The following XKR4 variants were observed in gnomAD, a reference collection of about 807,000 sequenced individuals.
XKR4 encodes XK-related protein 4.
A neutral mutation model predicts 53.9 loss-of-function variants in XKR4; 12 were observed. The observed-to-expected ratio is 0.22, with a 90% CI of 0.14 to 0.36. The LOEUF (loss-of-function observed/expected upper bound fraction) is 0.36. Among genes scored for constraint, XKR4 ranks in the 10% least tolerant of loss-of-function variants. The pLI, the probability that XKR4 is intolerant of heterozygous loss-of-function variation, is 1.00. For synonymous variants in XKR4, 354 were observed against 362.4 expected, an observed-to-expected ratio of 0.98 and a Z score of 0.26; for missense variants, 799 against 859.5, an observed-to-expected ratio of 0.93 and a Z score of 0.88.
intron 2 of XKR4, among the ~76,000 whole-genome samples, chr8:55,447,667 AAAG>A (rs1805366726): frequency 6.6e-6 from 1 of 152,220 alleles, no homozygotes; most frequent in African/African-American, 2.4e-5. Context: ...CCTTCACAGA[AAAG>A]AAACCGCTAA....
chr8:55,402,651 G>T (rs1266304083), intron 2 of XKR4, among the ~76,000 whole-genome samples: 1 of 152,192 alleles, frequency 6.6e-6, no homozygotes, highest in Non-Finnish European at 1.5e-5. Flanking sequence ...AATTTTCACT[G>T]TGAAAATATG....
intron 1 of XKR4, among the ~76,000 whole-genome samples, chr8:55,180,501 A>G (rs1449017834): frequency 6.6e-6 from 1 of 152,200 alleles, no homozygotes; most frequent in Non-Finnish European, 1.5e-5. Context: ...ACATTTTTCT[A>G]GCGTCACCAG....
At chr8:55,522,878 C>T (rs767476157) in intron 2 of XKR4, among the ~76,000 whole-genome samples, 1 of 152,202 alleles carries the variant, frequency 6.6e-6, no homozygotes, top group African/African-American at 2.4e-5. Flanking sequence ...TTCATGACTT[C>T]TCCATATGGG....
At chr8:55,195,667 T>C (rs1463934350) in intron 1 of XKR4, among the ~76,000 whole-genome samples, 2 of 152,208 alleles carry the variant, frequency 1.3e-5, no homozygotes, top group African/African-American at 2.4e-5. Flanking sequence ...GAAGTTAAAA[T>C]TGAAAATGAT....
At chr8:55,288,042 A>AT (rs1204981284) in intron 1 of XKR4, among the ~76,000 whole-genome samples, 6 of 151,992 alleles carry the variant, frequency 3.9e-5, no homozygotes, top group Admixed American at 1.3e-4. Context: ...TTTTTGTGTG[A>AT]TTTTTTTGTT....
intron 2 of XKR4, among the ~76,000 whole-genome samples, chr8:55,487,533 C>A (rs1426521147): frequency 6.6e-6 from 1 of 151,346 alleles, no homozygotes; most frequent in Non-Finnish European, 1.5e-5. Context: ...GCGGAACAAT[C>A]CTGGCTCACT....
chr8:55,329,136 C>T (rs976098572), intron 1 of XKR4, among the ~76,000 whole-genome samples: 21 of 152,112 alleles, frequency 1.4e-4, no homozygotes, highest in African/African-American at 4.8e-4. Flanking sequence ...ACTTGAGTTC[C>T]TAAATCTCAT....
At chr8:55,368,585 C>A (rs913737225) in intron 2 of XKR4, among the ~76,000 whole-genome samples, 4 of 152,212 alleles carry the variant, frequency 2.6e-5, no homozygotes, top group African/African-American at 4.8e-5. Context: ...CAGCTCTCCC[C>A]CTTCCCACAG....
intron 2 of XKR4, among the ~76,000 whole-genome samples, chr8:55,432,772 G>A (rs1805120379): frequency 2.0e-5 from 3 of 150,016 alleles, no homozygotes; most frequent in South Asian, 4.2e-4. Context: ...TCCCAAAAAA[G>A]TCTACGCTTG....
At chr8:55,158,855 C>T (rs899013600) in intron 1 of XKR4, among the ~76,000 whole-genome samples, 1 of 152,060 alleles carries the variant, frequency 6.6e-6, no homozygotes, top group African/African-American at 2.4e-5. Context: ...GTTTTTGTAC[C>T]AATACCATGC....
chr8:55,355,255 G>T (rs912022472), intron 1 of XKR4, among the ~76,000 whole-genome samples: 14 of 152,064 alleles, frequency 9.2e-5, no homozygotes, highest in Admixed American at 2.0e-4. Flanking sequence ...AACTCAACTG[G>T]AAGGGATATG....
rs1244975094 is a variant in XKR4 at position 55,529,297 on chromosome 8, T to G, written c.*5070T>G. ...CCCAAATGTAAAGCTTTTGTCAACCTTGAGGCCTATATTCTGCTAAACAAG... is the reference window on the plus strand; with the variant it reads ...CCCAAATGTAAAGCTTTTGTCAACCGTGAGGCCTATATTCTGCTAAACAAG... On this transcript the variant is annotated 3_prime_UTR_variant, in exon 3 of 3. Transcript: ENST00000327381. The G allele has an allele frequency of 6.6e-6, 1 of 152,102 alleles. No homozygotes were observed. The highest frequency in any genetic ancestry group is 1.5e-5 in the Non-Finnish European group (1 of 68,028). 9.4% of individuals were successfully genotyped at this position (152,102 alleles called of 1,614,324 possible).
intron 1 of XKR4, among the ~76,000 whole-genome samples, chr8:55,179,925 G>A (rs1817284310): frequency 6.6e-6 from 1 of 152,124 alleles, no homozygotes; most frequent in African/African-American, 2.4e-5. Flanking sequence ...ATTTAGAGAA[G>A]TATTTATAGA....
At chr8:55,347,362 G>A (rs1248913999) in intron 1 of XKR4, among the ~76,000 whole-genome samples, 1 of 152,030 alleles carries the variant, frequency 6.6e-6, no homozygotes, top group Non-Finnish European at 1.5e-5. Context: ...GAGGGGATGG[G>A]TTACATATAG....
At position 55,148,109 on chromosome 8, in the gene XKR4, A is replaced by G. The variant is rs567650896; in HGVS notation, c.806+44815A>G. On this transcript the variant is annotated intron_variant, in intron 1 of 2. Transcript: ENST00000327381. Reference sequence around the variant, plus strand: ...AAAAATGCATGAACACCGAGTGCTCAAGTGGTTCCATAAATACAGAGCTCT... The same window carrying G: ...AAAAATGCATGAACACCGAGTGCTCGAGTGGTTCCATAAATACAGAGCTCT... Among the ~76,000 whole-genome samples the G allele has an allele frequency of 1.3e-5, 2 of 152,356 alleles. 1 individual carries two copies. The highest frequency in any genetic ancestry group is 4.1e-4 in the South Asian group (2 of 4,830).
At chr8:55,516,571 A>G (rs1260543717) in intron 2 of XKR4, among the ~76,000 whole-genome samples, 1 of 152,236 alleles carries the variant, frequency 6.6e-6, no homozygotes, top group African/African-American at 2.4e-5. Flanking sequence ...ATGATATGAG[A>G]AAAGCTACTG....
At chr8:55,322,379 G>A (rs542810356) in intron 1 of XKR4, among the ~76,000 whole-genome samples, 42 of 151,876 alleles carry the variant, frequency 2.8e-4, no homozygotes, top group Admixed American at 5.2e-4. Context: ...TATTCATTCC[G>A]CTGTTGTTGA....
intron 1 of XKR4, among the ~76,000 whole-genome samples, chr8:55,139,221 T>C (rs1816668389): frequency 1.3e-5 from 2 of 152,152 alleles, no homozygotes; most frequent in South Asian, 4.1e-4. Context: ...GAGAAGGGAC[T>C]TGCAATAAGG....
At chr8:55,286,798 G>A (rs997770575) in intron 1 of XKR4, among the ~76,000 whole-genome samples, 1 of 152,066 alleles carries the variant, frequency 6.6e-6, no homozygotes, top group African/African-American at 2.4e-5. Flanking sequence ...AATGTGATGG[G>A]CACTCACCTC....
Sources: allele counts gnomAD v4.1 joint callset (sites outside exome capture counted in the v4.1 genomes callset), GRCh38; gene constraint gnomAD v4.1.1; transcripts MANE v1.5; gene names NCBI Gene and HGNC (gene_info 2026-07-23, HGNC 2026-07-21).